Variants in DNAH17 observed in about 807,000 individuals in gnomAD.
DNAH17 encodes dynein axonemal heavy chain 17, also known as axonemal beta dynein heavy chain 17.
A neutral mutation model predicts 485.6 loss-of-function variants in DNAH17; 376 were observed. The observed-to-expected ratio is 0.77, with a 90% CI of 0.71 to 0.84. DNAH17 has a LOEUF of 0.84. Ranked by LOEUF, DNAH17 falls within the 40% of genes least tolerant of loss-of-function variation. The pLI is 0.00. For missense variants in DNAH17, 6,370 were observed against 5,839.3 expected (o/e 1.09, Z -2.96); for synonymous variants, 3,031 against 2,405.9 (o/e 1.26, Z -7.60).
In DNAH17 at chr17:78,459,838, G is replaced by A. The variant is rs751225361; in HGVS notation, c.9599C>T (p.Ser3200Phe). The A allele has an allele frequency of 8.1e-6, 13 of 1,613,904 alleles. No homozygotes were observed. The South Asian group carries it at 1.1e-4, about 14-fold the overall frequency. ...GTGCTCCTTGTCGAACTTCTTCAGG[G>A]AGTCTAGGAAGGTGTCCACCTTGCC... ...MMGKVDTFLD[S>F]LKKFDKEHIP... Residue 3200 changes from serine (S) to phenylalanine (F), a missense_variant, in exon 60 of 81, where the codon TCC becomes TTC. Physicochemically the swap from Ser to Phe is radical, Grantham distance 155. Coordinates refer to ENST00000389840, the MANE Select transcript of DNAH17 (RefSeq NM_173628.4).
intron 54 of DNAH17, among the ~76,000 whole-genome samples, chr17:78,470,609 A>G (rs2088703638): frequency 6.6e-6 from 1 of 152,066 alleles, no homozygotes; most frequent in African/African-American, 2.4e-5. Flanking sequence ...GAATTGCTTG[A>G]ACCCAGGAGG....
At chr17:78,474,936 G>A (rs1201112389) in intron 54 of DNAH17, among the ~76,000 whole-genome samples, 1 of 148,358 alleles carries the variant, frequency 6.7e-6, no homozygotes, top group Admixed American at 6.7e-5. Flanking sequence ...CACACGGGCC[G>A]AAAGGTTTCA....
chr17:78,489,803 G>A (rs1307627795), intron 44 of DNAH17, among the ~76,000 whole-genome samples: 1 of 146,194 alleles, frequency 6.8e-6, no homozygotes, highest in African/African-American at 2.5e-5. Flanking sequence ...CACATGGCAG[G>A]TGTGCGAAGT....
chr17:78,458,472 G>T, intron 62 of DNAH17, 93 bp downstream of exon 62: 1 of 1,078,462 alleles, frequency 9.3e-7, no homozygotes, highest in Non-Finnish European at 1.4e-6. Context: ...CTTCCACCTG[G>T]GCTCCCTCCT....
intron 64 of DNAH17, 60 bp downstream of exon 64, chr17:78,454,410 G>T: frequency 1.5e-6 from 2 of 1,370,366 alleles, no homozygotes; most frequent in Non-Finnish European, 1.0e-6. Flanking sequence ...AATATGGAAT[G>T]CCTAAGGCGT....
At chr17:78,495,235 A>C (rs1161066215) in intron 38 of DNAH17, 138 bp from the exon 39 acceptor site, 3 of 1,170,138 alleles carry the variant, frequency 2.6e-6, no homozygotes, top group Non-Finnish European at 3.5e-6. Flanking sequence ...TCGGTCCTGG[A>C]GCCGGGCTCC....
chr17:78,573,182 A>G (rs1044724708), intron 2 of DNAH17, among the ~76,000 whole-genome samples: 3 of 152,164 alleles, frequency 2.0e-5, no homozygotes, highest in African/African-American at 7.2e-5. Flanking sequence ...CCCATAGCAC[A>G]CACTCCTTGC....
intron 16 of DNAH17, among the ~76,000 whole-genome samples, chr17:78,547,415 T>C (rs1044366595): frequency 1.3e-5 from 2 of 152,210 alleles, no homozygotes; most frequent in African/African-American, 4.8e-5. Flanking sequence ...TTTTTGTTTC[T>C]GTGTGGGCTA....
intron 1 of DNAH17, among the ~76,000 whole-genome samples, 162 bp downstream of exon 1, chr17:78,577,133 C>A (rs2092444179): frequency 6.6e-6 from 1 of 152,082 alleles, no homozygotes; most frequent in Admixed American, 6.5e-5. Flanking sequence ...CCTCGGGGTC[C>A]CAGAGCCATG....
At chr17:78,507,398 T>C (rs1399335997) in intron 28 of DNAH17, 29 bp from the exon 29 acceptor site, 1 of 1,613,836 alleles carries the variant, frequency 6.2e-7, no homozygotes, top group Non-Finnish European at 8.5e-7. Flanking sequence ...CGCCAAGGCA[T>C]TAGGGATCGC....
intron 25 of DNAH17, among the ~76,000 whole-genome samples, chr17:78,515,503 C>T (rs1329010284): frequency 7.0e-6 from 1 of 143,128 alleles, no homozygotes; most frequent in South Asian, 2.2e-4. Flanking sequence ...AGTGAGACTC[C>T]ATCTCAAAAA....
intron 48 of DNAH17, among the ~76,000 whole-genome samples, chr17:78,481,221 G>A (rs916074462): frequency 1.3e-5 from 2 of 150,712 alleles, no homozygotes; most frequent in Non-Finnish European, 2.9e-5. Context: ...TCCTGCCTCA[G>A]CCTCCCGAGT....
In DNAH17 at chr17:78,484,960, G is replaced by A. The variant is rs1320077950; in HGVS notation, c.7557C>T (p.Tyr2519=). The change falls in exon 48 of 81, where the codon TAC becomes TAT. Residue 2519 remains tyrosine, a synonymous_variant. Transcript: ENST00000389840. The part of the protein sequence containing the change: ...YGPPGTKKLV[Y]FIDDMNMPEV... ...CGGGCATGTTCATGTCGTCGATGAA[G>A]TAGACGAGCTTCTTAGTGCCTGGCG... 2.5e-6 allele frequency: 4 copies of A among 1,613,108 alleles called. No individual in the cohort carries two copies. The highest frequency in any genetic ancestry group is 2.7e-5 in the African/African-American group (2 of 74,894).
chr17:78,477,684 T>C (rs1568116477), intron 51 of DNAH17, among the ~76,000 whole-genome samples: 2 of 152,198 alleles, frequency 1.3e-5, no homozygotes, highest in Admixed American at 6.5e-5. Context: ...GCTGGGCTGA[T>C]ACTTTACGTG....
chr17:78,551,207 G>T (rs1310485951), intron 16 of DNAH17, among the ~76,000 whole-genome samples: 1 of 152,198 alleles, frequency 6.6e-6, no homozygotes, highest in Non-Finnish European at 1.5e-5. Flanking sequence ...GAACTGTACT[G>T]CTTCTGTACT....
intron 75 of DNAH17, among the ~76,000 whole-genome samples, chr17:78,430,850 G>A (rs1419246400): frequency 1.3e-5 from 2 of 151,898 alleles, no homozygotes; most frequent in Non-Finnish European, 2.9e-5. Flanking sequence ...CCAAAGTGCT[G>A]GGATTACTGG....
chr17:78,478,590 C>T (rs992544911), intron 51 of DNAH17, among the ~76,000 whole-genome samples: 1 of 149,520 alleles, frequency 6.7e-6, no homozygotes, highest in Non-Finnish European at 1.5e-5. Flanking sequence ...ACCACCATCA[C>T]TACCACTGTC....
intron 75 of DNAH17, among the ~76,000 whole-genome samples, chr17:78,431,066 ACAGGGTCTTGCTGTGTTGGC>A (rs2086654029): frequency 6.6e-6 from 1 of 151,474 alleles, no homozygotes; most frequent in African/African-American, 2.4e-5. Context: ...TTTTGTAGAG[ACAGGGTCTTGCTGTGTTGGC>A]CAGGCTGGTC....
At chr17:78,474,558 T>C (rs968644981) in intron 54 of DNAH17, among the ~76,000 whole-genome samples, 1 of 152,226 alleles carries the variant, frequency 6.6e-6, no homozygotes, top group African/African-American at 2.4e-5. Context: ...CTGGAGAGAA[T>C]AGGTAACAAT....
Sources: gnomAD v4.1 joint callset for allele counts (sites outside exome capture counted in the v4.1 genomes callset) on GRCh38, gnomAD v4.1.1 for gene constraint, MANE v1.5 for transcripts, NCBI Gene and HGNC (gene_info 2026-07-23, HGNC 2026-07-21) for gene names.